SNX25: variants seen among roughly 807,000 people sequenced by gnomAD.
The protein encoded by SNX25 is sorting nexin-25.
A neutral mutation model predicts 113.7 loss-of-function variants in SNX25; 62 were observed. The ratio of observed to expected loss-of-function variants is 0.55; its 90% CI spans 0.44 to 0.67. The LOEUF (loss-of-function observed/expected upper bound fraction) is 0.67. SNX25 is among the 30% of genes least tolerant of loss of function. The pLI is 0.00. For synonymous variants in SNX25, 421 were observed against 436.2 expected (o/e 0.97, Z 0.43); for missense variants, 1,014 against 1,161.0 (o/e 0.87, Z 1.84).
At chr4:185,324,490 T>A (rs1292876205) in intron 9 of SNX25, among the ~76,000 whole-genome samples, 1 of 152,024 alleles carries the variant, frequency 6.6e-6, no homozygotes, top group East Asian at 1.9e-4. Context: ...CTTGGAATGT[T>A]TCTGTGTGGA....
rs564776416 is a variant in SNX25 at position 185,317,517 on chromosome 4, C to T, written c.1345-3216C>T. ...AATCATTCTGCTGTAAAGACACATG[C>T]ACTTGTATGTTTATTACAGCACTAT... On this transcript the variant is annotated intron_variant, in intron 7 of 18. Transcript: ENST00000652585. 3.3e-5 allele frequency among the ~76,000 whole-genome samples: 5 copies of T among 152,254 alleles called. No individual in the cohort carries two copies. The East Asian group carries it at 7.7e-4, about 23-fold the overall frequency.
At chr4:185,372,963 C>T (rs1157772943), downstream of SNX25, 2 of 1,613,938 alleles carry the variant, frequency 1.2e-6, no homozygotes, top group African/African-American at 2.7e-5. Context: ...CTCTTAAGCA[C>T]TGCAGGGCAG....
At chr4:185,304,777 C>G (rs1470995172) in intron 6 of SNX25, among the ~76,000 whole-genome samples, 1 of 152,222 alleles carries the variant, frequency 6.6e-6, no homozygotes, top group Non-Finnish European at 1.5e-5. Context: ...GCATGAGCCA[C>G]CACATCCAGC....
At chr4:185,361,889 A>C (rs745432173) in intron 16 of SNX25, 35 bp from the exon 17 acceptor site, 2 of 1,607,616 alleles carry the variant, frequency 1.2e-6, no homozygotes, top group South Asian at 2.2e-5. Context: ...ACAATTTTTA[A>C]AAACCTCATC....
At chr4:185,344,228 AAAAAT>A (rs2095273711) in intron 12 of SNX25, among the ~76,000 whole-genome samples, 1 of 152,186 alleles carries the variant, frequency 6.6e-6, no homozygotes, top group African/African-American at 2.4e-5. Flanking sequence ...TCCAAAAAAT[AAAAAT>A]AAAAATTTCC....
downstream of SNX25, chr4:185,372,976 TC>T: frequency 6.2e-7 from 1 of 1,614,028 alleles, no homozygotes; most frequent in Non-Finnish European, 8.5e-7. Flanking sequence ...CAGGGCAGCT[TC>T]CGTATCCTGC....
downstream of SNX25, among the ~76,000 whole-genome samples, chr4:185,368,802 T>TTG (rs1206976035): frequency 2.5e-4 from 38 of 151,534 alleles, no homozygotes; most frequent in Admixed American, 9.2e-4. Context: ...TTTGTTTTTT[T>TTG]TTTTTTTTTG....
At chr4:185,342,142 T>A in intron 12 of SNX25, 26 bp downstream of exon 12, 3 of 1,517,062 alleles carry the variant, frequency 2.0e-6, no homozygotes, top group Non-Finnish European at 2.6e-6. Flanking sequence ...AACGCAGTAT[T>A]CTAGAATTAC....
At chr4:185,322,440 G>C (rs775213250) in intron 8 of SNX25, among the ~76,000 whole-genome samples, 8 of 152,130 alleles carry the variant, frequency 5.3e-5, no homozygotes, top group South Asian at 2.1e-4. Flanking sequence ...GGGGAAGGTG[G>C]GGGGGAAGCA....
At chr4:185,291,616 G>A (rs1657872601) in intron 6 of SNX25, among the ~76,000 whole-genome samples, 1 of 152,196 alleles carries the variant, frequency 6.6e-6, no homozygotes, top group Non-Finnish European at 1.5e-5. Flanking sequence ...TGAATGCGCT[G>A]GGGGAGCCTC....
In SNX25 at chr4:185,353,453, A is replaced by T. The variant is rs779358545; in HGVS notation, c.2467-32A>T. On this transcript the variant is annotated intron_variant, in intron 14 of 18. Transcript: ENST00000652585. ...CTCTACCAATTTTCTTGGATAAGTT[A>T]TCTGCTTCCTATGACTTTGCTGTAT... The T allele has an allele frequency of 1.0e-5, 16 of 1,544,630 alleles. No individual in the cohort carries two copies. In the Admixed American group the frequency reaches 1.9e-4, roughly 18 times the overall value.
At position 185,332,730 on chromosome 4, in the gene SNX25, A is replaced by G. The variant is rs148719417; in HGVS notation, c.1885A>G (p.Ile629Val). 6.2e-7 allele frequency: 1 copy of G among 1,613,810 alleles called. No homozygotes were observed. The highest frequency in any genetic ancestry group is 8.5e-7 in the Non-Finnish European group (1 of 1,179,916). The change falls in exon 10 of 19, where the codon ATT becomes GTT. Residue 629 changes from isoleucine (I) to valine (V), a missense_variant. By Grantham distance (29) the Ile-to-Val change is conservative (BLOSUM62 3). Transcript: ENST00000652585. ...LEYKRQALNSIQNAPKPDKKI... is the reference protein window; with the variant it reads ...LEYKRQALNSVQNAPKPDKKI... ...ATATAAAAGGCAAGCTCTAAATTCT[A>G]TTCAAAATGCACCAAAACCTGACAA...
chr4:185,344,589 G>T (rs561285305), intron 12 of SNX25, among the ~76,000 whole-genome samples: 15 of 152,314 alleles, frequency 9.8e-5, no homozygotes, highest in African/African-American at 3.6e-4. Context: ...ATTTCAGAAT[G>T]AAAGGAAACA....
intron 7 of SNX25, among the ~76,000 whole-genome samples, chr4:185,317,354 T>C (rs987762676): frequency 6.6e-6 from 1 of 152,206 alleles, no homozygotes; most frequent in African/African-American, 2.4e-5. Context: ...GAAATAGTAA[T>C]GCTTTTACAC....
intron 1 of SNX25, among the ~76,000 whole-genome samples, chr4:185,239,334 T>C (rs566298828): frequency 1.3e-5 from 2 of 151,756 alleles, no homozygotes; most frequent in South Asian, 2.1e-4. Context: ...ATGCAAAAAA[T>C]TAGCCGGGCG....
At chr4:185,369,744 C>G (rs1168555176) in intron 11 of SNX25, 4 of 444,620 alleles carry the variant, frequency 9.0e-6, no homozygotes, top group African/African-American at 8.1e-5. Flanking sequence ...CATTGGAATC[C>G]CACAGGGAAC....
At chr4:185,281,604 A>G (rs1297511208) in intron 5 of SNX25, among the ~76,000 whole-genome samples, 1 of 152,178 alleles carries the variant, frequency 6.6e-6, no homozygotes, top group Non-Finnish European at 1.5e-5. Context: ...CATGGATGGG[A>G]AAAAACTTCA....
intron 6 of SNX25, among the ~76,000 whole-genome samples, chr4:185,303,556 G>A (rs1754012036): frequency 6.6e-6 from 1 of 151,828 alleles, no homozygotes; most frequent in Admixed American, 6.6e-5. Flanking sequence ...CTACTTGGAA[G>A]GCTGAGGCAG....
chr4:185,308,630 C>CGTCT (rs1184773527), intron 6 of SNX25, among the ~76,000 whole-genome samples: 1 of 152,170 alleles, frequency 6.6e-6, no homozygotes, highest in African/African-American at 2.4e-5. Flanking sequence ...GTTTAATGAG[C>CGTCT]GTCTCCTTTG....
Sources: gnomAD v4.1 joint callset for allele counts (sites outside exome capture counted in the v4.1 genomes callset) on GRCh38, gnomAD v4.1.1 for gene constraint, MANE v1.5 for transcripts, NCBI Gene and HGNC (gene_info 2026-07-23, HGNC 2026-07-21) for gene names.